PCDHA5: variants seen among roughly 807,000 people sequenced by gnomAD.
PCDHA5 encodes the protein protocadherin alpha-5.
In PCDHA5, 43 loss-of-function variants were observed where a neutral mutation model predicts 61.6. The ratio of observed to expected loss-of-function variants is 0.70; its 90% CI spans 0.55 to 0.90. The LOEUF is 0.90. PCDHA5 is among the 40% of genes least tolerant of loss of function. The pLI is 0.00. For synonymous variants in PCDHA5, 627 were observed against 543.9 expected (o/e 1.15, Z -2.13); for missense variants, 1,298 against 1,222.7 (o/e 1.06, Z -0.92).
chr5:141,006,180 A>C (rs1554260594), intron 3 of PCDHA5, among the ~76,000 whole-genome samples: 5 of 150,546 alleles, frequency 3.3e-5, no homozygotes, highest in Non-Finnish European at 7.4e-5. Context: ...TTTTTAAAAG[A>C]GTTTGCTATA....
At chr5:140,952,921 A>G (rs1385762046) in intron 1 of PCDHA5, among the ~76,000 whole-genome samples, 4 of 152,138 alleles carry the variant, frequency 2.6e-5, no homozygotes, top group African/African-American at 4.8e-5. Context: ...ACATGGCATG[A>G]GCAGGAGCAG....
At chr5:140,850,291 C>T (rs782425750) in intron 1 of PCDHA5, 1 of 1,596,090 alleles carries the variant, frequency 6.3e-7, no homozygotes, top group African/African-American at 1.3e-5. Flanking sequence ...GCAGTGGACG[C>T]CGACTCGGGC....
intron 1 of PCDHA5, among the ~76,000 whole-genome samples, chr5:140,878,377 T>C (rs2057568265): frequency 6.6e-6 from 1 of 152,274 alleles, no homozygotes; most frequent in Non-Finnish European, 1.5e-5. Flanking sequence ...ATATGATGAA[T>C]GATTTTCTTC....
chr5:140,846,375 T>C (rs1343413352), intron 1 of PCDHA5, among the ~76,000 whole-genome samples: 4 of 125,488 alleles, frequency 3.2e-5, no homozygotes, highest in African/African-American at 1.0e-4. Context: ...CTTTCTTTCT[T>C]TTTTTTTTTT....
At chr5:140,907,564 C>A (rs782642591) in intron 1 of PCDHA5, among the ~76,000 whole-genome samples, 1 of 152,228 alleles carries the variant, frequency 6.6e-6, no homozygotes, top group African/African-American at 2.4e-5. Flanking sequence ...ATATAATCAA[C>A]TTGCCACCAG....
intron 1 of PCDHA5, among the ~76,000 whole-genome samples, chr5:140,891,916 G>T (rs1336108155): frequency 6.6e-6 from 1 of 152,170 alleles, no homozygotes; most frequent in Non-Finnish European, 1.5e-5. Context: ...ACCAGATGCT[G>T]GTGCCTTGAT....
intron 1 of PCDHA5, among the ~76,000 whole-genome samples, chr5:140,917,324 C>CG (rs1299895515): frequency 0.012 from 918 of 74,422 alleles, 22 homozygotes; most frequent in East Asian, 0.019. Flanking sequence ...GTTCATGTGG[C>CG]GGGGGAGGGG....
In PCDHA5 at chr5:140,822,630, TG is replaced by T; in HGVS notation, c.856del (p.Asp286ThrfsTer3). ...TGTATTTCTTTAGTAATCTTGTTCT[TG>T]ACGATGTAAAGTCCAAATTTATAAT... ...IVYFFSNLVL[D>X]DVKSKFIINS... On this transcript the variant is annotated frameshift_variant, in exon 1 of 4. Transcript: ENST00000529859. LOFTEE classifies it high-confidence loss of function. 6.2e-7 allele frequency: 1 copy of T among 1,611,460 alleles called. No individual in the cohort carries two copies. Among genetic ancestry groups the T allele is most frequent in the Non-Finnish European group, 8.5e-7 (1 of 1,178,294 alleles).
chr5:140,823,932 G>A lies in PCDHA5; in HGVS notation c.2157G>A (p.Ala719=), dbSNP rs782682917. 2.5e-6 allele frequency: 4 copies of A among 1,613,862 alleles called. No individual in the cohort carries two copies. The highest frequency in any genetic ancestry group is 2.2e-5 in the South Asian group (2 of 91,072). The change falls in exon 1 of 4, where the codon GCG becomes GCA. Residue 719 remains alanine, a synonymous_variant. Transcript: ENST00000529859. ...TGCTCACGCTGCTGCTGTACACCGC[G>A]CTGCGGTGCTCGGCGCAGCCCACCG... The part of the protein sequence containing the change: ...LLVLTLLLYT[A]LRCSAQPTEA...
chr5:140,842,408 G>T, intron 1 of PCDHA5: 4 of 1,612,322 alleles, frequency 2.5e-6, no homozygotes, highest in Non-Finnish European at 3.4e-6. Flanking sequence ...ACGTGAAGAC[G>T]CTCAATTTGG....
intron 1 of PCDHA5, among the ~76,000 whole-genome samples, chr5:140,881,872 A>C (rs907896928): frequency 6.6e-6 from 1 of 152,240 alleles, no homozygotes; most frequent in South Asian, 2.1e-4. Context: ...TTGTGGCAAA[A>C]TGAAACTCAT....
intron 1 of PCDHA5, among the ~76,000 whole-genome samples, chr5:140,955,093 G>A (rs1554221774): frequency 6.6e-6 from 1 of 152,118 alleles, no homozygotes; most frequent in African/African-American, 2.4e-5. Flanking sequence ...TAGGTGTGTG[G>A]TGTTATTTCT....
rs2150126846 is a variant in PCDHA5, at chr5:140,823,554, G to A, written c.1779G>A (p.Val593=). The part of the protein sequence containing the change: ...SVGAGHVVAK[V]RAVDPDSGYN... The stretch of plus-strand genomic sequence containing the variant: ...GTGCGGGCCACGTGGTGGCGAAGGT[G>A]CGCGCAGTGGACCCTGATTCGGGCT... Residue 593 remains valine, a synonymous_variant, in exon 1 of 4, where the codon GTG becomes GTA. Coordinates refer to ENST00000529859, the MANE Select transcript of PCDHA5 (RefSeq NM_018908.3). 17,400 of 1,613,832 alleles carry A rather than the reference G, an allele frequency of 0.011. 1,609 individuals are homozygous for A. The African/African-American group carries it at 0.2, about 19-fold the overall frequency.
intron 1 of PCDHA5, among the ~76,000 whole-genome samples, chr5:140,950,301 T>G (rs1467140584): frequency 6.6e-6 from 1 of 152,076 alleles, no homozygotes; most frequent in Non-Finnish European, 1.5e-5. Context: ...AAACTTTACT[T>G]AGCAGTTTTT....
chr5:140,862,610 G>A (rs2047447715), intron 1 of PCDHA5: 4 of 520,926 alleles, frequency 7.7e-6, no homozygotes, highest in Non-Finnish European at 1.6e-5. Flanking sequence ...TTCGTGAAAG[G>A]TAACAACCCG....
At chr5:140,830,450 G>C (rs2150186754) in intron 1 of PCDHA5, 3 of 1,598,530 alleles carry the variant, frequency 1.9e-6, no homozygotes, top group East Asian at 4.5e-5. Flanking sequence ...GGGTAAGGCG[G>C]AGAATCAGGA....
intron 1 of PCDHA5, chr5:140,882,573 G>A (rs2059201802): frequency 2.5e-6 from 4 of 1,614,234 alleles, no homozygotes; most frequent in Non-Finnish European, 3.4e-6. Flanking sequence ...AGCGCGGAGT[G>A]CAGCATCCAC....
intron 1 of PCDHA5, chr5:140,835,748 C>T (rs2150243952): frequency 2.5e-6 from 4 of 1,613,326 alleles, no homozygotes; most frequent in African/African-American, 1.3e-5. Context: ...CCCCGGCGTT[C>T]GCGCAGCCCG....
chr5:140,871,361 G>C (rs1554165481), intron 1 of PCDHA5: 4 of 1,614,220 alleles, frequency 2.5e-6, no homozygotes, highest in South Asian at 2.2e-5. Flanking sequence ...TCGCAGCAGA[G>C]GCGGCAGAGG....
Sources: gnomAD v4.1 joint callset for allele counts (sites outside exome capture counted in the v4.1 genomes callset) on GRCh38, gnomAD v4.1.1 for gene constraint, MANE v1.5 for transcripts, NCBI Gene and HGNC (gene_info 2026-07-23, HGNC 2026-07-21) for gene names.